SEC14L3: variants seen among roughly 807,000 people sequenced by gnomAD.
The protein encoded by SEC14L3 is SEC14 like lipid binding 3, also known as SEC14-like protein 3.
Under a neutral mutation model 57.4 loss-of-function variants are expected in SEC14L3, and 56 were observed. That is an observed-to-expected ratio of 0.97 (90% confidence interval 0.79 to 1.22). The LOEUF (loss-of-function observed/expected upper bound fraction) is 1.22. Among genes scored for constraint, SEC14L3 ranks in the 50% most tolerant of loss-of-function variants. The pLI is 0.00. For missense variants in SEC14L3, 485 were observed against 511.7 expected (o/e 0.95, Z 0.50); for synonymous variants, 173 against 194.4 (o/e 0.89, Z 0.92).
downstream of SEC14L3, among the ~76,000 whole-genome samples, chr22:30,455,042 AATAG>A (rs1474747548): frequency 5.1e-5 from 4 of 78,470 alleles, no homozygotes; most frequent in East Asian, 3.8e-4. Context: ...TATATTATAT[AATAG>A]ATATACAATA....
downstream of SEC14L3, among the ~76,000 whole-genome samples, chr22:30,458,646 C>T (rs926503790): frequency 6.6e-6 from 1 of 152,116 alleles, no homozygotes; most frequent in African/African-American, 2.4e-5. Flanking sequence ...ATCTCAGCCT[C>T]CCCAAGGGCT....
At chr22:30,458,775 C>T (rs9620993), downstream of SEC14L3, among the ~76,000 whole-genome samples, 2 of 152,102 alleles carry the variant, frequency 1.3e-5, no homozygotes, top group African/African-American at 2.4e-5. Flanking sequence ...CTTTGGGAGG[C>T]TGATGGGGGG....
chr22:30,450,756 G>A (rs968206221), intron 12 of SEC14L3, among the ~76,000 whole-genome samples: 1 of 152,210 alleles, frequency 6.6e-6, no homozygotes, highest in African/African-American at 2.4e-5. Flanking sequence ...GGTTCTGGAA[G>A]CTGGGTAATA....
At chr22:30,471,789 A>G (rs570949936) in intron 1 of SEC14L3, 116 bp downstream of exon 1, 23 of 1,442,932 alleles carry the variant, frequency 1.6e-5, no homozygotes, top group Non-Finnish European at 2.0e-5. Context: ...AACACCAAAG[A>G]GACAATGTCA....
In SEC14L3 at chr22:30,465,825, A is replaced by G. The variant is rs1053704665; in HGVS notation, c.580+509T>C. Among the ~76,000 whole-genome samples, 5 of 152,192 alleles carry G rather than the reference A, an allele frequency of 3.3e-5. 1 individual carries two copies. Among genetic ancestry groups the G allele is most frequent in the South Asian group, 4.1e-4 (2 of 4,822 alleles). ...CAACCAACTGATCAACCAACTAGCC[A>G]ATCACCAAACATCCATCCATCCTTT... is the stretch of plus-strand genomic sequence containing the variant. On this transcript the variant is annotated intron_variant, in intron 7 of 11. Transcript: ENST00000215812.
At chr22:30,455,189 T>TATATTATATTTAATATTTAAC (rs1935097370), downstream of SEC14L3, among the ~76,000 whole-genome samples, 1 of 122,476 alleles carries the variant, frequency 8.2e-6, no homozygotes, top group Non-Finnish European at 1.6e-5. Flanking sequence ...TAATATTTAA[T>TATATTATATTTAATATTTAAC]ATATAATATA....
chr22:30,452,123 C>T (rs770846622), intron 12 of SEC14L3, among the ~76,000 whole-genome samples: 3 of 151,478 alleles, frequency 2.0e-5, no homozygotes, highest in East Asian at 1.9e-4. Context: ...AACTTGGTGA[C>T]GTTGTAGCCT....
Position 30,450,153 on chromosome 22 carries a change from T to C in SEC14L3, c.905-909A>G, listed in dbSNP as rs189783844. ...GGGAAATAAATGGGCACGATGTAGT[T>C]CAACATGGGATGGCTATGTTGAGGT... On this transcript the variant is annotated intron_variant, in intron 12 of 12. Coordinates refer to the SEC14L3 transcript ENST00000403066. Among the ~76,000 whole-genome samples the C allele has an allele frequency of 8.0e-3, 1,223 of 152,248 alleles. 8 individuals carry two copies. The highest frequency in any genetic ancestry group is 0.014 in the Non-Finnish European group (948 of 68,020).
rs1031178789 is a variant in SEC14L3 at position 30,470,489 on chromosome 22, T to A, written c.130+18A>T. 6.8e-6 allele frequency: 11 copies of A among 1,613,748 alleles called. No individual in the cohort carries two copies. The highest frequency in any genetic ancestry group is 7.6e-6 in the Non-Finnish European group (9 of 1,179,998). On this transcript the variant is annotated intron_variant, in intron 2 of 11. Coordinates refer to ENST00000215812, the MANE Select transcript of SEC14L3 (RefSeq NM_174975.5). ...CTTGATGCCCCCTGATCCCAACCTC[T>A]CCCACCTCTGCCCTCACCTCGGAGC...
intron 9 of SEC14L3, 146 bp downstream of exon 9, chr22:30,461,940 C>T: frequency 9.8e-7 from 1 of 1,021,802 alleles, no homozygotes; most frequent in Non-Finnish European, 1.5e-6. Flanking sequence ...CTGCTGAGAG[C>T]TCTGTAAGGG....
chr22:30,459,031 T>C (rs1935170322), downstream of SEC14L3, among the ~76,000 whole-genome samples: 1 of 151,716 alleles, frequency 6.6e-6, no homozygotes, highest in Non-Finnish European at 1.5e-5. Flanking sequence ...AACAAACAAA[T>C]AAACAAACAA....
At chr22:30,470,650 G>A in intron 1 of SEC14L3, 68 bp from the exon 2 acceptor site, 1 of 1,607,916 alleles carries the variant, frequency 6.2e-7, no homozygotes, top group South Asian at 1.1e-5. Flanking sequence ...CTCAAAGACT[G>A]TTTTCACAAC....
In SEC14L3 at chr22:30,459,324, GGGTTAGGGTGGGAAGCT is replaced by G. The variant is rs1935178473; in HGVS notation, c.*680_*696del. 1 of 985,334 alleles carries G rather than the reference GGGTTAGGGTGGGAAGCT, an allele frequency of 1.0e-6. No individual in the cohort carries two copies. Among genetic ancestry groups the G allele is most frequent in the South Asian group, 4.7e-5 (1 of 21,292 alleles). 61.0% of individuals were successfully genotyped at this position (985,334 alleles called of 1,614,324 possible). A position where few individuals can be genotyped will look rare whatever the true frequency, so the allele number is the denominator to read the frequency against. On this transcript the variant is annotated 3_prime_UTR_variant, in exon 12 of 12. Transcript: ENST00000215812. ...ATAAGCTATGTGCAACAAGGGAAGT[GGGTTAGGGTGGGAAGCT>G]GAGCGTGCAAGTCAGACAAAGCCTG... is the stretch of plus-strand genomic sequence containing the variant.
chr22:30,463,303 G>A (rs1935323856), intron 8 of SEC14L3, among the ~76,000 whole-genome samples: 1 of 152,170 alleles, frequency 6.6e-6, no homozygotes, highest in Non-Finnish European at 1.5e-5. Context: ...GGTCCTGGCT[G>A]TTACCATGCC....
chr22:30,461,773 C>T, intron 9 of SEC14L3, 79 bp from the exon 10 acceptor site: 1 of 1,530,538 alleles, frequency 6.5e-7, no homozygotes, highest in Non-Finnish European at 8.8e-7. Flanking sequence ...ACACTTTCAC[C>T]ACCTCCTGGA....
At chr22:30,468,841 T>C in intron 4 of SEC14L3, 145 bp from the exon 5 acceptor site, 1 of 1,559,434 alleles carries the variant, frequency 6.4e-7, no homozygotes, top group Non-Finnish European at 8.7e-7. Flanking sequence ...TTGTCTCAGG[T>C]GAGAAAGCTG....
At chr22:30,468,854 G>C in intron 4 of SEC14L3, 158 bp from the exon 5 acceptor site, 1 of 1,554,040 alleles carries the variant, frequency 6.4e-7, no homozygotes, top group Non-Finnish European at 8.7e-7. Flanking sequence ...GAAAGCTGAG[G>C]TCCTGCAGGG....
At chr22:30,447,779 G>T (rs920331039), downstream of SEC14L3, among the ~76,000 whole-genome samples, 1 of 152,132 alleles carries the variant, frequency 6.6e-6, no homozygotes, top group Non-Finnish European at 1.5e-5. Flanking sequence ...ATTGCAGATA[G>T]GTGTGTGTGT....
Position 30,461,706 on chromosome 22 carries a change from G to A in SEC14L3, c.772-12C>T. ...CCGCCATAGTTAATCTGCGGACATG[G>A]GATGAGATGGGCTTGCTTCCGTCTC... On this transcript the variant is annotated splice_polypyrimidine_tract_variant and intron_variant, in intron 9 of 11. Coordinates refer to ENST00000215812, the MANE Select transcript of SEC14L3 (RefSeq NM_174975.5). 6.2e-7 allele frequency: 1 copy of A among 1,609,000 alleles called. No individual in the cohort carries two copies. Among genetic ancestry groups the A allele is most frequent in the Non-Finnish European group, 8.5e-7 (1 of 1,177,542 alleles).
Sources: allele counts gnomAD v4.1 joint callset (sites outside exome capture counted in the v4.1 genomes callset), GRCh38; gene constraint gnomAD v4.1.1; transcripts MANE v1.5; gene names NCBI Gene and HGNC (gene_info 2026-07-23, HGNC 2026-07-21).